Variants in USP26 observed in about 807,000 individuals in gnomAD.
The protein encoded by USP26 is ubiquitin carboxyl-terminal hydrolase 26.
For missense variants in USP26, 649 were observed against 642.3 expected, an observed-to-expected ratio of 1.01 and a Z score of -0.11; for synonymous variants, 236 against 240.6, an observed-to-expected ratio of 0.98 and a Z score of 0.18.
In USP26 at chrX:133,096,047, A is replaced by ATTTTTT. The variant is rs779131148; in HGVS notation, c.-393+977_-393+982dup. Among the ~76,000 whole-genome samples the ATTTTTT allele has an allele frequency of 9.1e-3, 332 of 36,539 alleles. 24 individuals carry two copies. Among genetic ancestry groups the ATTTTTT allele is most frequent in the Admixed American group, 0.011 (20 of 1,774 alleles). 31.7% of individuals were successfully genotyped at this position (36,539 alleles called of 115,157 possible). A position where few individuals can be genotyped will look rare whatever the true frequency, so the allele number is the denominator to read the frequency against. ...GGCATGAGCCACGGCGCCCGGCCTA[A>ATTTTTT]TTTTTTTTTTTTTTTTTTTTTTTTT... On this transcript the variant is annotated intron_variant, in intron 1 of 5. Transcript: ENST00000511190.
chrX:133,066,402 G>A (rs2067511921), intron 5 of USP26, among the ~76,000 whole-genome samples: 1 of 111,612 alleles, frequency 9.0e-6, no homozygotes, highest in Non-Finnish European at 1.9e-5. Context: ...CCAAAAAGCA[G>A]CCCACATAAC....
At chrX:133,053,573 G>T in intron 5 of USP26, among the ~76,000 whole-genome samples, 1 of 109,615 alleles carries the variant, frequency 9.1e-6, no homozygotes, top group East Asian at 2.9e-4. Flanking sequence ...AAGTATAGAG[G>T]GCTAATATTC....
chrX:133,040,623 AC>A (rs1479401204), intron 5 of USP26, among the ~76,000 whole-genome samples: 1 of 111,144 alleles, frequency 9.0e-6, no homozygotes, highest in Admixed American at 9.6e-5. Context: ...TGCTCTTAAC[AC>A]TTTTTCCTTC....
Position 133,026,704 on chromosome X carries a change from C to T in USP26, c.1517G>A (p.Gly506Glu), listed in dbSNP as rs1361147785. The T allele has an allele frequency of 1.7e-6, 2 of 1,210,555 alleles. No individual in the cohort carries two copies. The highest frequency in any genetic ancestry group is 1.8e-5 in the South Asian group (1 of 56,910). The change falls in exon 6 of 6, where the codon GGA (glycine) becomes GAA (glutamate). Residue 506 changes from glycine (G) to glutamate (E), a missense_variant. Coordinates refer to ENST00000511190, the MANE Select transcript of USP26 (RefSeq NM_031907.3). ...AGGTAGCCTACTGAATGAGTGCACT[C>T]CAACGGAAGTCTTGTGCTCACATTT... ...CAKCEHKTSVGVHSFSRLPRI... is the reference protein window; with the variant it reads ...CAKCEHKTSVEVHSFSRLPRI...
At chrX:133,055,063 T>G (rs1422182872) in intron 5 of USP26, among the ~76,000 whole-genome samples, 1 of 112,307 alleles carries the variant, frequency 8.9e-6, no homozygotes, top group Non-Finnish European at 1.9e-5. Flanking sequence ...AGAATGCATC[T>G]GAAATTTTCA....
Position 133,076,465 on chromosome X carries a change from C to T in USP26, c.-77+7242G>A, listed in dbSNP as rs958024601. Among the ~76,000 whole-genome samples, 5 of 111,122 alleles carry T rather than the reference C, an allele frequency of 4.5e-5. 1 individual carries two copies. Among genetic ancestry groups the T allele is most frequent in the Non-Finnish European group, 9.4e-5 (5 of 52,966 alleles). On this transcript the variant is annotated intron_variant, in intron 5 of 5. Coordinates refer to ENST00000511190, the MANE Select transcript of USP26 (RefSeq NM_031907.3). ...ATGCAAGGCAGCCTTTAAGATGGCC[C>T]CCAACAGTCCTTATGTTCTGGTATT...
In USP26 at chrX:133,068,601, T is replaced by C. The variant is rs141968833; in HGVS notation, c.-77+15106A>G. ...TAAGTAATGGTGGGAAATTTTTTCA[T>C]TTACCCATTGCCTGTAGGCAGAAGG... is the stretch of plus-strand genomic sequence containing the variant. On this transcript the variant is annotated intron_variant, in intron 5 of 5. Coordinates refer to ENST00000511190, the MANE Select transcript of USP26 (RefSeq NM_031907.3). Among the ~76,000 whole-genome samples the C allele has an allele frequency of 4.7e-4, 53 of 112,387 alleles. No individual in the cohort carries two copies. The East Asian group carries it at 0.013, about 27-fold the overall frequency.
intron 5 of USP26, among the ~76,000 whole-genome samples, chrX:133,072,395 A>G (rs759438745): frequency 8.9e-6 from 1 of 112,433 alleles, no homozygotes; most frequent in African/African-American, 3.2e-5. Flanking sequence ...CGTATCCTTT[A>G]ACTCTCTACT....
rs1448664831 is a variant in USP26, at chrX:133,091,347, TCATAC to T, written c.-302+1_-302+5del. The T allele has an allele frequency of 9.0e-6, 1 of 111,556 alleles. No individual in the cohort carries two copies. The highest frequency in any genetic ancestry group is 2.8e-4 in the East Asian group (1 of 3,547). 9.2% of individuals were successfully genotyped at this position (111,556 alleles called of 1,213,427 possible). On this transcript the variant is annotated splice_donor_variant and splice_donor_5th_base_variant and intron_variant, in intron 2 of 5. Transcript: ENST00000511190. LOFTEE classifies it low-confidence loss of function (5UTR_SPLICE). ...TCAAATTACCTTCAGACCCATATTC[TCATAC>T]CTGAAACAAAGGCACCTGAGCAGCA...
At chrX:133,031,690 G>C (rs1186753317) in intron 5 of USP26, among the ~76,000 whole-genome samples, 2 of 111,704 alleles carry the variant, frequency 1.8e-5, no homozygotes, top group Non-Finnish European at 3.8e-5. Context: ...AATATGTATG[G>C]AGTACTAGAA....
At position 133,023,197 on chromosome X, in the gene USP26, C is replaced by G. The variant is rs953579569; in HGVS notation, c.*2282G>C. Among the ~76,000 whole-genome samples, 4 of 111,246 alleles carry G rather than the reference C, an allele frequency of 3.6e-5. No individual in the cohort carries two copies. The highest frequency in any genetic ancestry group is 1.3e-4 in the African/African-American group (4 of 30,546). The stretch of plus-strand genomic sequence containing the variant: ...TTTAATCTTTTATTTGAAAACATAC[C>G]ATGTAGATACTATACAAGCATTCAT... On this transcript the variant is annotated 3_prime_UTR_variant, in exon 6 of 6. Coordinates refer to ENST00000511190, the MANE Select transcript of USP26 (RefSeq NM_031907.3).
chrX:133,036,808 G>A (rs916502300), intron 5 of USP26, among the ~76,000 whole-genome samples: 5 of 112,351 alleles, frequency 4.5e-5, no homozygotes, highest in Non-Finnish European at 3.8e-5. Context: ...GTGTAAAAGC[G>A]TTCCTATTTC....
intron 5 of USP26, among the ~76,000 whole-genome samples, chrX:133,041,586 C>T (rs1036243531): frequency 8.9e-6 from 1 of 111,975 alleles, no homozygotes; most frequent in Non-Finnish European, 1.9e-5. Context: ...CAGAGGTGCA[C>T]CAGCCTGATG....
intron 5 of USP26, among the ~76,000 whole-genome samples, chrX:133,057,862 ATATATTTTTTTTTTTTTTT>A (rs1251552292): frequency 2.8e-4 from 5 of 17,914 alleles, no homozygotes; most frequent in African/African-American, 8.1e-4. Flanking sequence ...ATATATATAT[ATATATTTTTTTTTTTTTTT>A]TTTTTTTTTT....
At position 133,025,905 on chromosome X, in the gene USP26, G is replaced by A. The variant is rs778625138; in HGVS notation, c.2316C>T (p.Leu772=). 42 of 1,211,081 alleles carry A rather than the reference G, an allele frequency of 3.5e-5. No homozygotes were observed. The highest frequency in any genetic ancestry group is 4.6e-4 in the Middle Eastern group (2 of 4,348). The stretch of plus-strand genomic sequence containing the variant: ...GTAGATTTAATTTTGTAGGTCTTAG[G>A]AGGTTCTTTGTGTGCCCCTGGGTGC... ...KPGTQGHTKN[L]LRPTKLNLQK... Residue 772 remains leucine (L), a synonymous_variant, in exon 6 of 6, where the codon CTC becomes CTT. Transcript: ENST00000511190.
intron 5 of USP26, among the ~76,000 whole-genome samples, chrX:133,053,690 G>C (rs772401667): frequency 8.9e-6 from 1 of 111,803 alleles, no homozygotes; most frequent in Admixed American, 9.5e-5. Flanking sequence ...CTAGACGTAA[G>C]TAAATCCTGC....
At chrX:133,079,862 A>G (rs1034990211) in intron 5 of USP26, among the ~76,000 whole-genome samples, 3 of 111,884 alleles carry the variant, frequency 2.7e-5, no homozygotes, top group African/African-American at 9.7e-5. Flanking sequence ...AAAAATATAG[A>G]TGAATGAGAA....
At chrX:133,080,298 T>C (rs1008844031) in intron 5 of USP26, among the ~76,000 whole-genome samples, 5 of 111,133 alleles carry the variant, frequency 4.5e-5, no homozygotes, top group Non-Finnish European at 9.4e-5. Context: ...ACCTGGTACA[T>C]AGAACTAGCC....
chrX:133,044,748 A>G (rs2067432755), intron 5 of USP26, among the ~76,000 whole-genome samples: 1 of 113,172 alleles, frequency 8.8e-6, no homozygotes, highest in Admixed American at 9.2e-5. Flanking sequence ...CGACCACCCA[A>G]GGGCTGAGGA....
Sources: gnomAD v4.1 joint callset for allele counts (sites outside exome capture counted in the v4.1 genomes callset) on GRCh38, gnomAD v4.1.1 for gene constraint, MANE v1.5 for transcripts, NCBI Gene and HGNC (gene_info 2026-07-23, HGNC 2026-07-21) for gene names.